The following TRIP10 variants were observed in gnomAD, a reference collection of about 807,000 sequenced individuals.
TRIP10 encodes the protein cdc42-interacting protein 4.
Under a neutral mutation model 80.9 loss-of-function variants are expected in TRIP10, and 54 were observed. The ratio of observed to expected loss-of-function variants is 0.67; its 90% CI spans 0.54 to 0.84. The LOEUF (loss-of-function observed/expected upper bound fraction) is 0.84. Ranked by LOEUF, TRIP10 falls within the 40% of genes least tolerant of loss-of-function variation. The probability of loss-of-function intolerance (pLI) is 0.00; values close to 1 mark genes in which losing one functional copy is unlikely to be tolerated. For missense variants in TRIP10, 773 were observed against 815.3 expected (o/e 0.95, Z 0.63); for synonymous variants, 321 against 307.2 (o/e 1.04, Z -0.47).
intron 6 of TRIP10, 54 bp from the exon 7 acceptor site, chr19:6,743,654 C>A (rs1320496649): frequency 1.9e-6 from 3 of 1,611,360 alleles, no homozygotes; most frequent in East Asian, 4.5e-5. Context: ...CTTGGGGAGT[C>A]CGAGTGGGAC....
At position 6,745,721 on chromosome 19, in the gene TRIP10, A is replaced by G. The variant is rs1217285057; in HGVS notation, c.985-308A>G. 2 of 985,174 alleles carry G rather than the reference A, an allele frequency of 2.0e-6. No homozygotes were observed. The highest frequency in any genetic ancestry group is 2.4e-6 in the Non-Finnish European group (2 of 829,876). 61.0% of individuals were successfully genotyped at this position (985,174 alleles called of 1,614,324 possible). A position where few individuals can be genotyped will look rare whatever the true frequency, so the allele number is the denominator to read the frequency against. Reference sequence around the variant, plus strand: ...TGCTTGCTCCCGGACATAACATTCCAGAGACCTAGGAGATACCGGGGGAGT... The same window carrying G: ...TGCTTGCTCCCGGACATAACATTCCGGAGACCTAGGAGATACCGGGGGAGT... On this transcript the variant is annotated intron_variant, in intron 9 of 14. Transcript: ENST00000313244. The surrounding 1 kb of genome is among the most constrained non-coding windows in gnomAD (Gnocchi z 7.2).
chr19:6,745,539 T>C lies in TRIP10; in HGVS notation c.985-490T>C, dbSNP rs1969091067. The C allele has an allele frequency of 1.0e-6, 1 of 984,498 alleles. No individual in the cohort carries two copies. Among genetic ancestry groups the C allele is most frequent in the Non-Finnish European group, 1.2e-6 (1 of 829,314 alleles). 61.0% of individuals were successfully genotyped at this position (984,498 alleles called of 1,614,324 possible). Reference sequence around the variant, plus strand: ...CCCCTCTCATTTTCCTGCCTTCCACTCCCTCTCGGCTTGTGGTTTTATTTT... The same window carrying C: ...CCCCTCTCATTTTCCTGCCTTCCACCCCCTCTCGGCTTGTGGTTTTATTTT... On this transcript the variant is annotated intron_variant, in intron 9 of 14. Coordinates refer to ENST00000313244, the MANE Select transcript of TRIP10 (RefSeq NM_001288962.2). This position sits in a 1 kb window ranked among gnomAD's most constrained non-coding sequence, Gnocchi z 7.2.
At chr19:6,741,721 G>A (rs1466189095) in intron 3 of TRIP10, among the ~76,000 whole-genome samples, 1 of 152,106 alleles carries the variant, frequency 6.6e-6, no homozygotes, top group Non-Finnish European at 1.5e-5. Context: ...ACTTGGAATT[G>A]AGTCCCCAAT....
chr19:6,743,183 TC>T lies in TRIP10; in HGVS notation c.346-10del. 1 of 1,614,170 alleles carries T rather than the reference TC, an allele frequency of 6.2e-7. No homozygotes were observed. The highest frequency in any genetic ancestry group is 8.5e-7 in the Non-Finnish European group (1 of 1,180,004). On this transcript the variant is annotated splice_polypyrimidine_tract_variant and intron_variant, in intron 4 of 14. Coordinates refer to ENST00000313244, the MANE Select transcript of TRIP10 (RefSeq NM_001288962.2). Reference sequence around the variant, plus strand: ...GAACCCTGGCGAGCCTTATCACTCTTCTTTCTGTAGCACTTCCAAGAAGGGC... The same window carrying T: ...GAACCCTGGCGAGCCTTATCACTCTTTTTCTGTAGCACTTCCAAGAAGGGC...
Position 6,745,112 on chromosome 19 carries a change from C to T in TRIP10, c.984+118C>T, listed in dbSNP as rs1969071268. On this transcript the variant is annotated intron_variant, in intron 9 of 14. Transcript: ENST00000313244. The surrounding 1 kb of genome is among the most constrained non-coding windows in gnomAD (Gnocchi z 7.2). ...CCGAGTCTCGGGCAGGAATTTTCCT[C>T]TTGGCTGCCAGCCCGGACTGGAGGG... is the stretch of plus-strand genomic sequence containing the variant. 1 of 1,353,896 alleles carries T rather than the reference C, an allele frequency of 7.4e-7. No homozygotes were observed. 83.9% of individuals were successfully genotyped at this position (1,353,896 alleles called of 1,614,324 possible).
chr19:6,745,061 T>C lies in TRIP10; in HGVS notation c.984+67T>C, dbSNP rs971439895. The C allele has an allele frequency of 6.5e-6, 10 of 1,536,814 alleles. No individual in the cohort carries two copies. The highest frequency in any genetic ancestry group is 1.2e-5 in the South Asian group (1 of 81,858). ...TGAAGTGGGGACAGTGGGGCCCCTA[T>C]TGAGTCAGCCCCAGCCGCCTGAACG... On this transcript the variant is annotated intron_variant, in intron 9 of 14. Coordinates refer to ENST00000313244, the MANE Select transcript of TRIP10 (RefSeq NM_001288962.2). The surrounding 1 kb of genome is among the most constrained non-coding windows in gnomAD (Gnocchi z 7.2).
At chr19:6,742,701 G>A (rs375788718) in intron 3 of TRIP10, among the ~76,000 whole-genome samples, 93 of 150,512 alleles carry the variant, frequency 6.2e-4, no homozygotes, top group African/African-American at 2.3e-3. Context: ...AGGATCACTT[G>A]AGCCCAGGAG....
chr19:6,743,864 C>T (rs1378101060), intron 7 of TRIP10, 28 bp downstream of exon 7: 1 of 1,611,590 alleles, frequency 6.2e-7, no homozygotes, highest in Non-Finnish European at 8.5e-7. Flanking sequence ...TCAGACCTAC[C>T]TTCCCGAAAG....
chr19:6,746,431 A>G lies in TRIP10; in HGVS notation c.1153-21A>G. On this transcript the variant is annotated intron_variant, in intron 10 of 14. Transcript: ENST00000313244. This position sits in a 1 kb window ranked among gnomAD's most constrained non-coding sequence, Gnocchi z 6.2. Reference sequence around the variant, plus strand: ...GGCTAGACTCCTTGATCCCAAATTCAGCCCTCTACCCACCTTGCAGACAGT... The same window carrying G: ...GGCTAGACTCCTTGATCCCAAATTCGGCCCTCTACCCACCTTGCAGACAGT... 1 of 1,613,428 alleles carries G rather than the reference A, an allele frequency of 6.2e-7. No homozygotes were observed. Among genetic ancestry groups the G allele is most frequent in the Non-Finnish European group, 8.5e-7 (1 of 1,179,450 alleles).
chr19:6,739,713 G>A lies in TRIP10; in HGVS notation c.-49G>A, dbSNP rs190870479. The A allele has an allele frequency of 4.5e-3, 5,850 of 1,289,822 alleles. 249 individuals are homozygous for A. The African/African-American group carries it at 0.08, about 18-fold the overall frequency. 79.9% of individuals were successfully genotyped at this position (1,289,822 alleles called of 1,614,324 possible). On this transcript the variant is annotated 5_prime_UTR_variant, in exon 1 of 15. Transcript: ENST00000313244. The stretch of plus-strand genomic sequence containing the variant: ...CCGGGGAGGGCGGCGGGCGGCGGGC[G>A]GCGGGGACCGGGTGCGGTGGTGGCT...
Position 6,739,755 on chromosome 19 carries a change from G to A in TRIP10, c.-7G>A, listed in dbSNP as rs935558909. 3.5e-6 allele frequency: 5 copies of A among 1,424,568 alleles called. No homozygotes were observed. The Admixed American group carries it at 7.5e-5, about 21-fold the overall frequency. 88.2% of individuals were successfully genotyped at this position (1,424,568 alleles called of 1,614,324 possible). A position where few individuals can be genotyped will look rare whatever the true frequency, so the allele number is the denominator to read the frequency against. On this transcript the variant is annotated 5_prime_UTR_variant, in exon 1 of 15. Transcript: ENST00000313244. ...GTGGTGGCTGCGGCGGCGGCGGCGG[G>A]AGCAGCATGGATTGGGGCACTGAGC... is the stretch of plus-strand genomic sequence containing the variant.
intron 6 of TRIP10, 38 bp from the exon 7 acceptor site, chr19:6,743,670 C>A (rs772673964): frequency 6.2e-7 from 1 of 1,612,164 alleles, no homozygotes; most frequent in Non-Finnish European, 8.5e-7. Flanking sequence ...GGGACGTGAT[C>A]GGAACCTGGC....
intron 4 of TRIP10, 32 bp downstream of exon 4, chr19:6,743,146 G>C (rs767380278): frequency 1.9e-6 from 3 of 1,613,978 alleles, no homozygotes; most frequent in African/African-American, 2.7e-5. Context: ...GTTTTACAAA[G>C]GGCTTCTGCT....
At position 6,741,336 on chromosome 19, in the gene TRIP10, G is replaced by C. The variant is rs1968914205; in HGVS notation, c.197+55G>C. ...ATTTGTGGGGAAAGGCGGTGCTTGG[G>C]TCTCACTTCCCCTCCCTCAGCTGGG... is the stretch of plus-strand genomic sequence containing the variant. On this transcript the variant is annotated intron_variant, in intron 3 of 14. Transcript: ENST00000313244. 1.9e-6 allele frequency: 3 copies of C among 1,559,706 alleles called. No individual in the cohort carries two copies. The East Asian group carries it at 7.0e-5, about 37-fold the overall frequency.
chr19:6,751,232 A>AG lies in TRIP10; in HGVS notation c.*27dup. 4.3e-6 allele frequency: 7 copies of AG among 1,613,586 alleles called. No individual in the cohort carries two copies. Among genetic ancestry groups the AG allele is most frequent in the South Asian group, 2.2e-5 (2 of 91,052 alleles). On this transcript the variant is annotated 3_prime_UTR_variant, in exon 15 of 15. Transcript: ENST00000313244. Reference sequence around the variant, plus strand: ...ATTGAACCCTGCCAGAGACGGGAAGAGGGGGGCTGTCGGCTGCTGCTTCTG... The same window carrying AG: ...ATTGAACCCTGCCAGAGACGGGAAGAGGGGGGGCTGTCGGCTGCTGCTTCTG...
chr19:6,743,607 G>GGC lies in TRIP10; in HGVS notation c.513+11_513+12dup. 1 of 1,427,850 alleles carries GGC rather than the reference G, an allele frequency of 7.0e-7. No homozygotes were observed. Among genetic ancestry groups the GGC allele is most frequent in the Non-Finnish European group, 9.7e-7 (1 of 1,027,322 alleles). 88.4% of individuals were successfully genotyped at this position (1,427,850 alleles called of 1,614,324 possible). A position where few individuals can be genotyped will look rare whatever the true frequency, so the allele number is the denominator to read the frequency against. On this transcript the variant is annotated intron_variant, in intron 6 of 14. Transcript: ENST00000313244. The stretch of plus-strand genomic sequence containing the variant: ...AGGCTGATGTGGAGAAGGTGTGTGT[G>GGC]GCGGGGGCGGGGGGGGGGTGCGGGG...
intron 3 of TRIP10, among the ~76,000 whole-genome samples, chr19:6,742,344 C>G (rs910383550): frequency 5.9e-5 from 9 of 151,738 alleles, no homozygotes; most frequent in South Asian, 2.1e-4. Context: ...GAGCCAAGAT[C>G]GCACCACTGC....
intron 4 of TRIP10, 32 bp from the exon 5 acceptor site, chr19:6,743,162 C>A (rs760316985): frequency 9.9e-6 from 16 of 1,614,096 alleles, no homozygotes; most frequent in Non-Finnish European, 1.4e-5. Flanking sequence ...CTGCTGGAAC[C>A]CTGGCGAGCC....
At position 6,742,988 on chromosome 19, in the gene TRIP10, C is replaced by G; in HGVS notation, c.219C>G (p.Phe73Leu). The G allele has an allele frequency of 6.2e-7, 1 of 1,614,146 alleles. No homozygotes were observed. The highest frequency in any genetic ancestry group is 1.1e-5 in the South Asian group (1 of 91,066). Residue 73 changes from phenylalanine (F) to leucine (L), a missense_variant, in exon 4 of 15, where the codon TTC (phenylalanine) becomes TTG (leucine). Coordinates refer to ENST00000313244, the MANE Select transcript of TRIP10 (RefSeq NM_001288962.2). ...CCAGATTCAGCCAGCAACAGTCCTT[C>G]GTACAGATTCTCCAGGAGGTGAATG... Reference protein sequence around the residue: ...PESKFSQQQSFVQILQEVNDF... With the variant: ...PESKFSQQQSLVQILQEVNDF...
Sources: gnomAD v4.1 joint callset for allele counts (sites outside exome capture counted in the v4.1 genomes callset) on GRCh38, gnomAD v4.1.1 for gene constraint, Gnocchi (gnomAD v3.1) non-coding constraint, MANE v1.5 for transcripts, NCBI Gene and HGNC (gene_info 2026-07-23, HGNC 2026-07-21) for gene names.